DMXL2: variants seen among roughly 807,000 people sequenced by gnomAD.
The protein encoded by DMXL2 is Dmx like 2.
A neutral mutation model predicts 331.1 loss-of-function variants in DMXL2; 103 were observed. The observed-to-expected ratio is 0.31, with a 90% confidence interval of 0.27 to 0.37. The LOEUF (loss-of-function observed/expected upper bound fraction) is 0.37. Ranked by LOEUF, DMXL2 falls within the 10% of genes least tolerant of loss-of-function variation. The pLI is 1.00. For missense variants in DMXL2, 3,171 were observed against 3,642.9 expected (o/e 0.87, Z 3.33); for synonymous variants, 1,281 against 1,252.1 (o/e 1.02, Z -0.49).
At chr15:51,535,584 C>T (rs1295234515) in intron 13 of DMXL2, 79 bp downstream of exon 13, 2 of 1,364,186 alleles carry the variant, frequency 1.5e-6, no homozygotes, top group Non-Finnish European at 2.0e-6. Flanking sequence ...CAGCAACTAA[C>T]AAACACAGGT....
intron 15 of DMXL2, among the ~76,000 whole-genome samples, chr15:51,508,474 C>G (rs1211577337): frequency 1.3e-5 from 2 of 152,174 alleles, no homozygotes; most frequent in Non-Finnish European, 2.9e-5. Flanking sequence ...GGACCTACTT[C>G]AAATGCTACT....
chr15:51,504,955 G>T (rs1386924704), intron 16 of DMXL2, among the ~76,000 whole-genome samples: 1 of 152,152 alleles, frequency 6.6e-6, no homozygotes, highest in Non-Finnish European at 1.5e-5. Context: ...GAGTCAACAA[G>T]GCCTGATTTT....
intron 7 of DMXL2, among the ~76,000 whole-genome samples, chr15:51,546,235 A>G (rs906410984): frequency 9.2e-5 from 14 of 152,214 alleles, no homozygotes; most frequent in African/African-American, 3.1e-4. Context: ...CTATAAATCC[A>G]TTTCCATTAA....
At chr15:51,553,973 G>T (rs1402341473) in intron 6 of DMXL2, among the ~76,000 whole-genome samples, 1 of 152,126 alleles carries the variant, frequency 6.6e-6, no homozygotes, top group East Asian at 1.9e-4. Flanking sequence ...CTGCCATGTT[G>T]TTCAAGGGTT....
chr15:51,558,233 C>T (rs910462249), intron 6 of DMXL2, among the ~76,000 whole-genome samples: 2 of 152,152 alleles, frequency 1.3e-5, no homozygotes, highest in Non-Finnish European at 2.9e-5. Context: ...CTTCTTAATA[C>T]ACTTAATAAA....
chr15:51,466,051 T>C (rs866892347), intron 30 of DMXL2, 133 bp downstream of exon 30: 9 of 817,658 alleles, frequency 1.1e-5, no homozygotes, highest in African/African-American at 7.2e-5. Flanking sequence ...AGGTGTAGAA[T>C]TTGTAACCTG....
intron 1 of DMXL2, among the ~76,000 whole-genome samples, chr15:51,616,808 G>A (rs533336552): frequency 9.8e-4 from 149 of 151,822 alleles, no homozygotes; most frequent in African/African-American, 3.5e-3. Flanking sequence ...ATGGTGGCAC[G>A]CACCTGTAAT....
intron 7 of DMXL2, 92 bp from the exon 8 acceptor site, chr15:51,545,858 T>C: frequency 2.9e-6 from 3 of 1,042,800 alleles, no homozygotes; most frequent in Non-Finnish European, 4.2e-6. Context: ...AAGATAACAT[T>C]AGTGCAAAAC....
chr15:51,622,410 CG>C, intron 1 of DMXL2, 48 bp downstream of exon 1: 1 of 1,549,582 alleles, frequency 6.5e-7, no homozygotes, highest in Non-Finnish European at 8.7e-7. Context: ...TCCCTGCCCC[CG>C]CGTCTGGCCC....
At chr15:51,556,204 G>A (rs1022472883) in intron 6 of DMXL2, among the ~76,000 whole-genome samples, 4 of 151,968 alleles carry the variant, frequency 2.6e-5, no homozygotes, top group East Asian at 3.9e-4. Context: ...TTAGCTGGGC[G>A]TGGTGGCGGG....
At chr15:51,479,589 C>G (rs2140359046) in intron 25 of DMXL2, among the ~76,000 whole-genome samples, 1 of 152,336 alleles carries the variant, frequency 6.6e-6, no homozygotes, top group East Asian at 1.9e-4. Flanking sequence ...CTCCCAGATA[C>G]TCCCCAACTT....
At chr15:51,565,885 T>C (rs529063707) in intron 3 of DMXL2, among the ~76,000 whole-genome samples, 15 of 152,276 alleles carry the variant, frequency 9.9e-5, no homozygotes, top group African/African-American at 3.1e-4. Flanking sequence ...TTTAAGAATA[T>C]TTAACAATTT....
chr15:51,564,034 A>G (rs1049409852), intron 5 of DMXL2, 91 bp downstream of exon 5: 18 of 1,408,082 alleles, frequency 1.3e-5, no homozygotes, highest in Non-Finnish European at 1.6e-5. Flanking sequence ...CAATGGTACC[A>G]TCAAAAAATA....
chr15:51,490,938 T>G (rs541600811), intron 20 of DMXL2, among the ~76,000 whole-genome samples: 2 of 152,360 alleles, frequency 1.3e-5, no homozygotes, highest in South Asian at 4.1e-4. Context: ...AGTTTTTTAA[T>G]GTATTGTAAA....
intron 7 of DMXL2, among the ~76,000 whole-genome samples, chr15:51,546,397 C>A (rs2048891900): frequency 6.6e-6 from 1 of 152,052 alleles, no homozygotes; most frequent in South Asian, 2.1e-4. Flanking sequence ...ATGACTTAAG[C>A]AGAATATATT....
Position 51,499,523 on chromosome 15 carries a change from C to A in DMXL2, c.3701G>T (p.Arg1234Ile), listed in dbSNP as rs1197021246. ...QGVKSRWVLLRSIDLVSSVDG... is the reference protein window; with the variant it reads ...QGVKSRWVLLISIDLVSSVDG... ...AACAGAAGATACCAAGTCTATAGAT[C>A]TAAGAAGAACCCATCTTGACTTAAC... Residue 1234 changes from arginine (R) to isoleucine (I), a missense_variant, in exon 18 of 44, where the codon AGA becomes ATA. By Grantham distance (97) the Arg-to-Ile change is moderately conservative. This residue lies in a region of DMXL2 where 1,674 missense variants were observed against 1,780.2 expected (regional missense o/e 0.94). Transcript: ENST00000560891. 1 of 1,614,000 alleles carries A rather than the reference C, an allele frequency of 6.2e-7. No homozygotes were observed. Among genetic ancestry groups the A allele is most frequent in the Non-Finnish European group, 8.5e-7 (1 of 1,180,032 alleles).
At chr15:51,592,242 A>T (rs1368422110) in intron 1 of DMXL2, among the ~76,000 whole-genome samples, 1 of 152,182 alleles carries the variant, frequency 6.6e-6, no homozygotes, top group Non-Finnish European at 1.5e-5. Context: ...GGAGCTAAAA[A>T]CCAAGGCACA....
In DMXL2 at chr15:51,590,448, A is replaced by T. The variant is rs763321399; in HGVS notation, c.88-14267T>A. On this transcript the variant is annotated intron_variant, in intron 1 of 43. Transcript: ENST00000560891. ...AATGAGTCCCTGATAACTGAGGCTC[A>T]GCTGTACTACAACTTGTGTTACAAG... Among the ~76,000 whole-genome samples, 3 of 152,366 alleles carry T rather than the reference A, an allele frequency of 2.0e-5. No individual in the cohort carries two copies. In the South Asian group the frequency reaches 6.2e-4, roughly 32 times the overall value.
At chr15:51,489,132 CAT>C (rs751576092) in intron 20 of DMXL2, among the ~76,000 whole-genome samples, 3 of 152,182 alleles carry the variant, frequency 2.0e-5, no homozygotes, top group Admixed American at 1.3e-4. Flanking sequence ...GAAAATTCAA[CAT>C]GTTATATTGT....
Sources: gnomAD v4.1 joint callset for allele counts (sites outside exome capture counted in the v4.1 genomes callset) on GRCh38, gnomAD v4.1.1 for gene constraint, gnomAD v4.1.1 regional missense constraint, MANE v1.5 for transcripts, NCBI Gene and HGNC (gene_info 2026-07-23, HGNC 2026-07-21) for gene names.